The following CRTC1 variants were observed in gnomAD, a reference collection of about 807,000 sequenced individuals.
CRTC1 encodes the protein CREB-regulated transcription coactivator 1.
In CRTC1, 18 loss-of-function variants were observed where a neutral mutation model predicts 66.1. That is an observed-to-expected ratio of 0.27 (90% CI 0.19 to 0.40). The LOEUF is 0.40. CRTC1 is among the 10% of genes least tolerant of loss of function. CRTC1 has a pLI of 1.00. For missense variants in CRTC1, 669 were observed against 887.9 expected, an observed-to-expected ratio of 0.75 and a Z score of 3.13; for synonymous variants, 416 against 398.8, an observed-to-expected ratio of 1.04 and a Z score of -0.51.
intron 1 of CRTC1, among the ~76,000 whole-genome samples, chr19:18,739,937 G>T (rs2054076402): frequency 6.6e-6 from 1 of 152,162 alleles, no homozygotes; most frequent in Non-Finnish European, 1.5e-5. Flanking sequence ...ATGGTTTATT[G>T]CAGCGAAAGG....
intron 3 of CRTC1, among the ~76,000 whole-genome samples, chr19:18,746,473 A>G (rs2054238786): frequency 6.6e-6 from 1 of 151,624 alleles, no homozygotes; most frequent in South Asian, 2.1e-4. Context: ...GAGATCAGCC[A>G]GAGTCCCCCC....
intron 1 of CRTC1, among the ~76,000 whole-genome samples, chr19:18,712,507 G>GC (rs1177305136): frequency 1.3e-5 from 2 of 151,924 alleles, no homozygotes; most frequent in African/African-American, 4.8e-5. Flanking sequence ...TAATCCGCCT[G>GC]CCGTGGCCTC....
chr19:18,750,712 G>A (rs1312218306), intron 5 of CRTC1, among the ~76,000 whole-genome samples: 1 of 152,228 alleles, frequency 6.6e-6, no homozygotes, highest in East Asian at 1.9e-4. Context: ...CTGATAGGAG[G>A]AGGAAGAGGA....
At chr19:18,761,871 C>T (rs888370412) in intron 8 of CRTC1, among the ~76,000 whole-genome samples, 12 of 152,184 alleles carry the variant, frequency 7.9e-5, no homozygotes, top group Middle Eastern at 3.4e-3. Context: ...GGCCCCAGCC[C>T]GAGCGCATTG....
At chr19:18,757,320 T>C (rs1005770648) in intron 6 of CRTC1, among the ~76,000 whole-genome samples, 1 of 151,992 alleles carries the variant, frequency 6.6e-6, no homozygotes, top group Non-Finnish European at 1.5e-5. Flanking sequence ...CCTGCAGTGA[T>C]CCCATGTCTT....
intron 1 of CRTC1, among the ~76,000 whole-genome samples, chr19:18,706,926 A>G (rs1254040431): frequency 1.3e-5 from 2 of 152,128 alleles, no homozygotes; most frequent in African/African-American, 4.8e-5. Context: ...TATATAGTCT[A>G]CATATTGATC....
At chr19:18,733,588 C>T (rs2053936236) in intron 1 of CRTC1, among the ~76,000 whole-genome samples, 1 of 152,208 alleles carries the variant, frequency 6.6e-6, no homozygotes, top group Admixed American at 6.5e-5. Context: ...GCCCCTGATG[C>T]TCTCATCATC....
Position 18,753,482 on chromosome 19 carries a change from C to T in CRTC1, c.539-18C>T, listed in dbSNP as rs2054416083. On this transcript the variant is annotated intron_variant, in intron 5 of 13. Coordinates refer to ENST00000321949, the MANE Select transcript of CRTC1 (RefSeq NM_015321.3). ...AATTTCTTCTCTGATTCTCCTTCTC[C>T]CCCTCCCACCTCCCCAGTCTTACTG... The T allele has an allele frequency of 1.9e-6, 3 of 1,580,492 alleles. No homozygotes were observed. Among genetic ancestry groups the T allele is most frequent in the Non-Finnish European group, 1.7e-6 (2 of 1,156,914 alleles).
chr19:18,727,452 G>A (rs558356667), intron 1 of CRTC1, among the ~76,000 whole-genome samples: 2 of 151,030 alleles, frequency 1.3e-5, no homozygotes, highest in East Asian at 2.0e-4. Flanking sequence ...ATGGTGGCAC[G>A]CATCAGTAGT....
At chr19:18,751,469 A>C (rs888738952) in intron 5 of CRTC1, among the ~76,000 whole-genome samples, 2 of 152,160 alleles carry the variant, frequency 1.3e-5, no homozygotes, top group Admixed American at 1.3e-4. Flanking sequence ...TGGAAGTTGC[A>C]GTGAGCCAAG....
At position 18,771,907 on chromosome 19, in the gene CRTC1, A is replaced by AC. The variant is rs924714153; in HGVS notation, c.1425+368dup. Among the ~76,000 whole-genome samples, 6 of 150,424 alleles carry AC rather than the reference A, an allele frequency of 4.0e-5. No individual in the cohort carries two copies. The highest frequency in any genetic ancestry group is 1.9e-4 in the East Asian group (1 of 5,132). On this transcript the variant is annotated intron_variant, in intron 11 of 13. Transcript: ENST00000321949. This position sits in a 1 kb window ranked among gnomAD's most constrained non-coding sequence, Gnocchi z 4.6. ...CAGAGCATGAGCTGGAGCTTTAGGG[A>AC]CCCCCCCGACTTGGGGGTGCAGCTG... is the stretch of plus-strand genomic sequence containing the variant.
chr19:18,759,275 C>T (rs1286813220), intron 6 of CRTC1, among the ~76,000 whole-genome samples: 2 of 152,216 alleles, frequency 1.3e-5, no homozygotes, highest in African/African-American at 2.4e-5. Context: ...AAGAGACTGC[C>T]CACTGAGGGC....
chr19:18,730,778 C>T (rs967886298), intron 1 of CRTC1, among the ~76,000 whole-genome samples: 10 of 152,168 alleles, frequency 6.6e-5, no homozygotes, highest in African/African-American at 2.4e-4. Context: ...CCAGTGGTGT[C>T]CCCCTTGGTC....
At chr19:18,738,343 G>C (rs1395893911) in intron 1 of CRTC1, among the ~76,000 whole-genome samples, 1 of 152,014 alleles carries the variant, frequency 6.6e-6, no homozygotes, top group South Asian at 2.1e-4. Context: ...TAAATAAATA[G>C]AAGTAAAAAC....
chr19:18,770,384 G>T (rs1313878209), intron 10 of CRTC1, among the ~76,000 whole-genome samples: 1 of 152,256 alleles, frequency 6.6e-6, no homozygotes, highest in Non-Finnish European at 1.5e-5. Flanking sequence ...GATAGTGACT[G>T]CGCCATGCTG....
chr19:18,777,681 T>C lies in CRTC1; in HGVS notation c.*299T>C, dbSNP rs1031144470. 13 of 412,076 alleles carry C rather than the reference T, an allele frequency of 3.2e-5. No individual in the cohort carries two copies. The highest frequency in any genetic ancestry group is 5.3e-5 in the Non-Finnish European group (12 of 227,920). The allele number at this position is 412,076 out of a possible 1,614,324, so 25.5% of individuals were successfully genotyped here. The stretch of plus-strand genomic sequence containing the variant: ...CTCCCTCGCCCCCAGCCCCGGGGCC[T>C]GAGCCGTCCCCTGTAAGATGCGGGA... On this transcript the variant is annotated 3_prime_UTR_variant, in exon 14 of 14. Coordinates refer to ENST00000321949, the MANE Select transcript of CRTC1 (RefSeq NM_015321.3). The surrounding 1 kb of genome is among the most constrained non-coding windows in gnomAD (Gnocchi z 5.5).
intron 1 of CRTC1, among the ~76,000 whole-genome samples, chr19:18,699,236 T>G (rs546858796): frequency 2.6e-5 from 4 of 152,314 alleles, no homozygotes; most frequent in African/African-American, 9.6e-5. Context: ...ATGTCCCCAC[T>G]TCAGTCCTGG....
chr19:18,758,339 GAC>G (rs1361579863), intron 6 of CRTC1, among the ~76,000 whole-genome samples: 2 of 148,402 alleles, frequency 1.3e-5, no homozygotes, highest in African/African-American at 5.0e-5. Flanking sequence ...CAGCCTGAGA[GAC>G]AGAGTGAGAC....
Position 18,708,429 on chromosome 19 carries a change from C to T in CRTC1, c.126+24601C>T, listed in dbSNP as rs138604542. Among the ~76,000 whole-genome samples the T allele has an allele frequency of 3.3e-5, 5 of 152,236 alleles. No individual in the cohort carries two copies. The East Asian group carries it at 9.7e-4, about 29-fold the overall frequency. ...CAGGGTGCCCGAGAGAGGAACGGGGCCACCCCGGGTTTCTGGCTTCTGTAT... is the reference window on the plus strand; with the variant it reads ...CAGGGTGCCCGAGAGAGGAACGGGGTCACCCCGGGTTTCTGGCTTCTGTAT... On this transcript the variant is annotated intron_variant, in intron 1 of 13. Coordinates refer to ENST00000321949, the MANE Select transcript of CRTC1 (RefSeq NM_015321.3).
Sources: allele counts gnomAD v4.1 joint callset (sites outside exome capture counted in the v4.1 genomes callset), GRCh38; gene constraint gnomAD v4.1.1; non-coding constraint Gnocchi (gnomAD v3.1); transcripts MANE v1.5; gene names NCBI Gene and HGNC (gene_info 2026-07-23, HGNC 2026-07-21).